The following ANO2 variants were observed in gnomAD, a reference collection of about 807,000 sequenced individuals.
The protein encoded by ANO2 is anoctamin-2.
Under a neutral mutation model 124.2 loss-of-function variants are expected in ANO2, and 101 were observed. The observed-to-expected ratio is 0.81, with a 90% CI of 0.69 to 0.96. The LOEUF is 0.96. ANO2 is among the 40% of genes least tolerant of loss of function. ANO2 has a pLI of 0.00. For synonymous variants in ANO2, 486 were observed against 482.5 expected (o/e 1.01, Z -0.09); for missense variants, 1,293 against 1,274.5 (o/e 1.01, Z -0.22).
At chr12:5,821,541 G>T (rs1350748226) in intron 7 of ANO2, among the ~76,000 whole-genome samples, 1 of 152,222 alleles carries the variant, frequency 6.6e-6, no homozygotes, top group Admixed American at 6.5e-5. Flanking sequence ...GGTGCTTGAG[G>T]TGTCAGTCAC....
intron 14 of ANO2, among the ~76,000 whole-genome samples, chr12:5,690,959 AT>A (rs1401524510): frequency 6.6e-6 from 1 of 152,256 alleles, no homozygotes. Flanking sequence ...TAGGGAGCAT[AT>A]GACAATGACA....
intron 3 of ANO2, among the ~76,000 whole-genome samples, chr12:5,864,576 C>T (rs2137270943): frequency 6.6e-6 from 1 of 152,298 alleles, no homozygotes; most frequent in Non-Finnish European, 1.5e-5. Flanking sequence ...CTCCCTCACC[C>T]CCACCAGGAC....
intron 20 of ANO2, among the ~76,000 whole-genome samples, chr12:5,596,754 C>T (rs1943679439): frequency 6.6e-6 from 1 of 152,102 alleles, no homozygotes; most frequent in Admixed American, 6.5e-5. Flanking sequence ...ATTTCCCTAA[C>T]TCTGCCTTCC....
intron 7 of ANO2, 176 bp downstream of exon 7, chr12:5,827,593 G>C: frequency 2.8e-6 from 2 of 713,606 alleles, no homozygotes; most frequent in Non-Finnish European, 4.8e-6. Context: ...CTGAGAAATG[G>C]GACCCCCGCT....
rs1477399178 is a variant in ANO2 at position 5,577,926 on chromosome 12, G to A, written c.2439+29C>T. The A allele has an allele frequency of 1.9e-6, 3 of 1,608,688 alleles. No homozygotes were observed. The East Asian group carries it at 6.7e-5, about 36-fold the overall frequency. On this transcript the variant is annotated intron_variant, in intron 22 of 24. Transcript: ENST00000682330. ...CTTCTCTGGAAGCCCTTCCCACAGAGCGAGTGTGTCATGAATGCAAGTACT... is the reference window on the plus strand; with the variant it reads ...CTTCTCTGGAAGCCCTTCCCACAGAACGAGTGTGTCATGAATGCAAGTACT...
At chr12:5,763,954 A>C (rs1238103052) in intron 10 of ANO2, among the ~76,000 whole-genome samples, 1 of 152,248 alleles carries the variant, frequency 6.6e-6, no homozygotes, top group East Asian at 1.9e-4. Context: ...ACTGGGAATG[A>C]AAGAAGGGAC....
In ANO2 at chr12:5,608,652, C is replaced by T. The variant is rs1210054945; in HGVS notation, c.2087+4004G>A. On this transcript the variant is annotated intron_variant, in intron 19 of 24. Coordinates refer to ENST00000682330, the MANE Select transcript of ANO2 (RefSeq NM_001364791.2). ...GCCCATGGCTTTATGAGTTACTGTGCAATTGCCATTGTTTAAAGGGTGGCA... is the reference window on the plus strand; with the variant it reads ...GCCCATGGCTTTATGAGTTACTGTGTAATTGCCATTGTTTAAAGGGTGGCA... The T allele has an allele frequency of 3.9e-5, 6 of 152,064 alleles. No individual in the cohort carries two copies. The East Asian group carries it at 1.2e-3, about 29-fold the overall frequency. 9.4% of individuals were successfully genotyped at this position (152,064 alleles called of 1,614,324 possible).
chr12:5,707,722 C>T (rs901677449), intron 14 of ANO2, among the ~76,000 whole-genome samples: 3 of 152,218 alleles, frequency 2.0e-5, no homozygotes, highest in African/African-American at 7.2e-5. Context: ...ACATTTCCAA[C>T]ATTTGAAGCC....
intron 14 of ANO2, among the ~76,000 whole-genome samples, chr12:5,723,096 T>C (rs1950299985): frequency 6.6e-6 from 1 of 152,208 alleles, no homozygotes; most frequent in African/African-American, 2.4e-5. Flanking sequence ...CCTTACGGCA[T>C]TTTTTTCAAG....
chr12:5,865,188 T>C (rs73257229), intron 3 of ANO2, among the ~76,000 whole-genome samples: 2,546 of 152,320 alleles, frequency 0.017, 68 homozygotes, highest in African/African-American at 0.054. Flanking sequence ...TCAATCATCC[T>C]AACAAAGTTC....
chr12:5,630,995 G>A (rs1459720458), intron 16 of ANO2, among the ~76,000 whole-genome samples: 1 of 152,144 alleles, frequency 6.6e-6, no homozygotes, highest in Non-Finnish European at 1.5e-5. Context: ...GGTGTCCACG[G>A]CAGCCCCCAT....
At chr12:5,670,139 C>T (rs1947921363) in intron 14 of ANO2, among the ~76,000 whole-genome samples, 2 of 152,298 alleles carry the variant, frequency 1.3e-5, no homozygotes, top group African/African-American at 2.4e-5. Context: ...CACCATATTC[C>T]TATGTGGCTG....
At chr12:5,887,742 C>T (rs2137308970) in intron 3 of ANO2, among the ~76,000 whole-genome samples, 1 of 152,316 alleles carries the variant, frequency 6.6e-6, no homozygotes, top group East Asian at 1.9e-4. Flanking sequence ...TTGCAATGCG[C>T]CAAGCACAGC....
At chr12:5,868,254 A>G (rs773712095) in intron 3 of ANO2, among the ~76,000 whole-genome samples, 12 of 152,174 alleles carry the variant, frequency 7.9e-5, no homozygotes, top group Admixed American at 3.9e-4. Context: ...CCATTAGCTT[A>G]GAGTGTTCTG....
chr12:5,936,611 T>C (rs892653510), intron 1 of ANO2, among the ~76,000 whole-genome samples: 3 of 152,240 alleles, frequency 2.0e-5, no homozygotes, highest in African/African-American at 7.2e-5. Flanking sequence ...TAAATTTCTG[T>C]GCTTTATAAA....
chr12:5,621,155 C>T (rs184498678), intron 16 of ANO2, among the ~76,000 whole-genome samples: 2 of 152,254 alleles, frequency 1.3e-5, no homozygotes, highest in Admixed American at 6.5e-5. Context: ...CGCCACACTC[C>T]CACTCTTGCC....
At chr12:5,794,771 A>T (rs1251323465) in intron 10 of ANO2, among the ~76,000 whole-genome samples, 3 of 152,224 alleles carry the variant, frequency 2.0e-5, no homozygotes, top group Admixed American at 6.5e-5. Flanking sequence ...ACTGCCAAGC[A>T]AAGAGACTTG....
chr12:5,738,120 G>C (rs1232047564), intron 13 of ANO2, among the ~76,000 whole-genome samples: 2 of 152,214 alleles, frequency 1.3e-5, no homozygotes, highest in African/African-American at 4.8e-5. Context: ...CCCTGCACTG[G>C]TAGATTCCAT....
At chr12:5,817,072 T>TCA (rs1174304247) in intron 7 of ANO2, among the ~76,000 whole-genome samples, 21 of 152,160 alleles carry the variant, frequency 1.4e-4, no homozygotes, top group Non-Finnish European at 2.9e-5. Context: ...CCTCAGATTC[T>TCA]CACACACACA....
Sources: gnomAD v4.1 joint callset for allele counts (sites outside exome capture counted in the v4.1 genomes callset) on GRCh38, gnomAD v4.1.1 for gene constraint, MANE v1.5 for transcripts, NCBI Gene and HGNC (gene_info 2026-07-23, HGNC 2026-07-21) for gene names.